The following NLRC4 variants were observed in gnomAD, a reference collection of about 807,000 sequenced individuals.
NLRC4 encodes NLR family CARD domain containing 4.
NLRC4 carries 63 observed loss-of-function variants against 79.9 expected under a neutral mutation model. The observed-to-expected ratio is 0.79, with a 90% confidence interval of 0.64 to 0.97. The LOEUF is 0.97. Ranked by LOEUF, NLRC4 falls within the 50% of genes least tolerant of loss-of-function variation. The pLI, the probability that NLRC4 is intolerant of heterozygous loss-of-function variation, is 0.00. For missense variants in NLRC4, 1,074 were observed against 1,215.2 expected, an observed-to-expected ratio of 0.88 and a Z score of 1.73; for synonymous variants, 461 against 456.5, an observed-to-expected ratio of 1.01 and a Z score of -0.12.
intron 4 of NLRC4, among the ~76,000 whole-genome samples, chr2:32,242,945 G>A (rs762757788): frequency 1.3e-4 from 20 of 152,120 alleles, no homozygotes; most frequent in Non-Finnish European, 1.9e-4. Flanking sequence ...CTACTCAGGA[G>A]GCTGAGGCAA....
chr2:32,264,158 G>A (rs553586305), intron 1 of NLRC4, among the ~76,000 whole-genome samples: 7 of 152,164 alleles, frequency 4.6e-5, no homozygotes, highest in Middle Eastern at 3.4e-3. Flanking sequence ...TTTCCTGGCC[G>A]GGCACGTTGG....
At chr2:32,259,237 A>C (rs913351409) in intron 1 of NLRC4, among the ~76,000 whole-genome samples, 1 of 137,122 alleles carries the variant, frequency 7.3e-6, no homozygotes, top group Non-Finnish European at 1.5e-5. Context: ...CTGGGACCGC[A>C]GGTGTGTGCC....
chr2:32,235,319 AG>A (rs1247330321), intron 8 of NLRC4, 81 bp downstream of exon 8: 1 of 945,434 alleles, frequency 1.1e-6, no homozygotes, highest in Non-Finnish European at 1.7e-6. Context: ...AAATAAAATA[AG>A]GGGGCAAAAT....
chr2:32,248,999 A>T (rs1687002649), intron 4 of NLRC4, among the ~76,000 whole-genome samples: 1 of 152,232 alleles, frequency 6.6e-6, no homozygotes, highest in African/African-American at 2.4e-5. Flanking sequence ...TGATCAGAGG[A>T]CCACCAACCA....
At position 32,252,411 on chromosome 2, in the gene NLRC4, A is replaced by G. The variant is rs1447800775; in HGVS notation, c.262+8T>C. 6.3e-7 allele frequency: 1 copy of G among 1,596,128 alleles called. No homozygotes were observed. The highest frequency in any genetic ancestry group is 1.3e-5 in the African/African-American group (1 of 74,654). On this transcript the variant is annotated splice_region_variant and intron_variant, in intron 3 of 8. Coordinates refer to ENST00000402280, the MANE Select transcript of NLRC4 (RefSeq NM_001199138.2). ...GCAGAAACAGATGCAAAACTAACTG[A>G]TACTTACTTTGTCCATTCAAGTCCT...
intron 4 of NLRC4, among the ~76,000 whole-genome samples, chr2:32,243,058 A>G (rs1686842386): frequency 6.7e-6 from 1 of 149,458 alleles, no homozygotes; most frequent in African/African-American, 2.5e-5. Flanking sequence ...TAATGAAAGA[A>G]AGAGAGAGAG....
intron 4 of NLRC4, among the ~76,000 whole-genome samples, chr2:32,247,467 A>G (rs1284555957): frequency 4.0e-5 from 6 of 151,456 alleles, no homozygotes; most frequent in Non-Finnish European, 8.8e-5. Flanking sequence ...GGCATGTGCC[A>G]CCACGCCCGG....
Position 32,250,081 on chromosome 2 carries a change from A to C in NLRC4, c.1783T>G (p.Leu595Val). The C allele has an allele frequency of 6.2e-7, 1 of 1,614,224 alleles. No individual in the cohort carries two copies. Among genetic ancestry groups the C allele is most frequent in the Non-Finnish European group, 8.5e-7 (1 of 1,180,042 alleles). ...YINSGNIPDY[L>V]FDFFEHLPNC... is the part of the protein sequence containing the mutation. Reference sequence around the variant, plus strand: ...GGCAAATGTTCAAAGAAGTCAAATAAGTAATCGGGGATGTTCCCTGAGTTG... The same window carrying C: ...GGCAAATGTTCAAAGAAGTCAAATACGTAATCGGGGATGTTCCCTGAGTTG... Residue 595 changes from leucine (L) to valine (V), a missense_variant, in exon 4 of 9, where the codon TTA (leucine) becomes GTA (valine). By Grantham distance (32) the Leu-to-Val change is conservative. Transcript: ENST00000402280. This position sits in a 1 kb window ranked among gnomAD's most constrained non-coding sequence, Gnocchi z 4.9.
rs776101474 is a variant in NLRC4 at position 32,252,689 on chromosome 2, T to C, written c.2-10A>G. Reference sequence around the variant, plus strand: ...TCCTTTATGAAATTCACTGAGGAGATGGGGAGAAATATACATATTTATTTA... The same window carrying C: ...TCCTTTATGAAATTCACTGAGGAGACGGGGAGAAATATACATATTTATTTA... On this transcript the variant is annotated splice_polypyrimidine_tract_variant and intron_variant, in intron 2 of 8. Transcript: ENST00000402280. 1.9e-6 allele frequency: 3 copies of C among 1,609,104 alleles called. No individual in the cohort carries two copies. Among genetic ancestry groups the C allele is most frequent in the Non-Finnish European group, 1.7e-6 (2 of 1,175,772 alleles).
At chr2:32,260,636 C>T (rs1187113267) in intron 1 of NLRC4, among the ~76,000 whole-genome samples, 5 of 152,144 alleles carry the variant, frequency 3.3e-5, no homozygotes, top group African/African-American at 1.2e-4. Context: ...TGGTAAATGC[C>T]AGTAGCTGTG....
intron 1 of NLRC4, among the ~76,000 whole-genome samples, chr2:32,263,900 C>A (rs912196839): frequency 2.0e-5 from 3 of 152,178 alleles, no homozygotes; most frequent in Admixed American, 2.0e-4. Context: ...TAGGGCAGGA[C>A]ATTTAACTCC....
intron 4 of NLRC4, among the ~76,000 whole-genome samples, chr2:32,248,011 G>A (rs1425417865): frequency 6.6e-6 from 1 of 152,118 alleles, no homozygotes; most frequent in African/African-American, 2.4e-5. Context: ...GACTTGGAAA[G>A]GTGGGAGCGT....
chr2:32,240,985 C>T, intron 5 of NLRC4, 48 bp downstream of exon 5: 13 of 1,196,510 alleles, frequency 1.1e-5, no homozygotes, highest in Non-Finnish European at 1.6e-5. Context: ...GTTAACTCCT[C>T]TTATTATCAA....
rs1437276833 is a variant in NLRC4, at chr2:32,236,302, A to G, written c.2559T>C (p.Leu853=). ...TTTCCAGGTAATTTTCTGATAAATC[A>G]AGAATGCTCAGTTTGACCAAATTGT... ...NLHNLVKLSI[L]DLSENYLEKD... The change falls in exon 7 of 9, where the codon CTT becomes CTC. Residue 853 remains leucine (L), a synonymous_variant. Transcript: ENST00000402280. 2.5e-6 allele frequency: 4 copies of G among 1,612,370 alleles called. No individual in the cohort carries two copies. The highest frequency in any genetic ancestry group is 2.5e-6 in the Non-Finnish European group (3 of 1,179,166).
In NLRC4 at chr2:32,261,316, C is replaced by CCTTTTTTTTTTT; in HGVS notation, c.-119+3421_-119+3422insAAAAAAAAAAAG. On this transcript the variant is annotated intron_variant, in intron 1 of 8. Coordinates refer to ENST00000402280, the MANE Select transcript of NLRC4 (RefSeq NM_001199138.2). Reference sequence around the variant, plus strand: ...TTCTTTCGCCTATTAAGCCTCCCCCCTTTTGTTTTTTTTTGAGATGGAGCC... The same window carrying CCTTTTTTTTTTT: ...TTCTTTCGCCTATTAAGCCTCCCCCCCTTTTTTTTTTTTTTTGTTTTTTTTTGAGATGGAGCC... Among the ~76,000 whole-genome samples, 7 of 96,920 alleles carry CCTTTTTTTTTTT rather than the reference C, an allele frequency of 7.2e-5. 1 individual carries two copies. The highest frequency in any genetic ancestry group is 1.7e-4 in the African/African-American group (4 of 24,220). 63.6% of individuals were successfully genotyped at this position (96,920 alleles called of 152,430 possible). A position where few individuals can be genotyped will look rare whatever the true frequency, so the allele number is the denominator to read the frequency against.
At chr2:32,247,956 T>C (rs1444329272) in intron 4 of NLRC4, among the ~76,000 whole-genome samples, 3 of 152,082 alleles carry the variant, frequency 2.0e-5, no homozygotes, top group African/African-American at 4.8e-5. Flanking sequence ...AAGTGGGAGC[T>C]AAATAATGTG....
In NLRC4 at chr2:32,252,407, A is replaced by C. The variant is rs770802764; in HGVS notation, c.262+12T>G. The C allele has an allele frequency of 1.6e-5, 25 of 1,593,842 alleles. 1 individual carries two copies. In the Admixed American group the frequency reaches 2.2e-4, roughly 14 times the overall value. ...ACTTGCAGAAACAGATGCAAAACTA[A>C]CTGATACTTACTTTGTCCATTCAAG... On this transcript the variant is annotated intron_variant, in intron 3 of 8. Transcript: ENST00000402280.
rs201127432 is a variant in NLRC4, at chr2:32,252,480, G to A, written c.201C>T (p.Asn67=). 3.7e-6 allele frequency: 6 copies of A among 1,611,918 alleles called. No homozygotes were observed. Among genetic ancestry groups the A allele is most frequent in the Admixed American group, 1.7e-5 (1 of 60,022 alleles). Residue 67 remains asparagine, a synonymous_variant, in exon 3 of 9, where the codon AAC becomes AAT. Transcript: ENST00000402280. ...ACTCCTTAAGGGATTTAAGAAAGAG[G>A]TTACAGGACTCTGAACCCTTTTTCA... ...MILKKGSESC[N]LFLKSLKEWN... is the part of the protein sequence containing the mutation.
At chr2:32,234,295 T>C (rs903487594) in intron 8 of NLRC4, among the ~76,000 whole-genome samples, 1 of 151,542 alleles carries the variant, frequency 6.6e-6, no homozygotes, top group Middle Eastern at 3.5e-3. Context: ...GGCAGGAGAA[T>C]GGCATGAACT....
Sources: allele counts gnomAD v4.1 joint callset (sites outside exome capture counted in the v4.1 genomes callset), GRCh38; gene constraint gnomAD v4.1.1; non-coding constraint Gnocchi (gnomAD v3.1); transcripts MANE v1.5; gene names NCBI Gene and HGNC (gene_info 2026-07-23, HGNC 2026-07-21).